The following TMEM132D variants were observed in gnomAD, a reference collection of about 807,000 sequenced individuals.
The protein encoded by TMEM132D is transmembrane protein 132D, also known as mature OL transmembrane protein.
A neutral mutation model predicts 62.3 loss-of-function variants in TMEM132D; 21 were observed. The observed-to-expected ratio is 0.34, with a 90% CI of 0.24 to 0.49. TMEM132D has a LOEUF of 0.49. Among genes scored for constraint, TMEM132D ranks in the 20% least tolerant of loss-of-function variants. The pLI is 0.99. For synonymous variants in TMEM132D, 621 were observed against 575.6 expected (o/e 1.08, Z -1.13); for missense variants, 1,346 against 1,402.8 (o/e 0.96, Z 0.65).
chr12:129,713,544 C>G (rs546150915), intron 1 of TMEM132D, among the ~76,000 whole-genome samples: 2 of 152,240 alleles, frequency 1.3e-5, no homozygotes, highest in African/African-American at 4.8e-5. Context: ...ACACAGCAGA[C>G]AATCTGATGA....
At chr12:129,137,693 C>T (rs10847780) in intron 5 of TMEM132D, among the ~76,000 whole-genome samples, 40,206 of 151,968 alleles carry the variant, frequency 0.26, 5,401 homozygotes, top group Middle Eastern at 0.35. Flanking sequence ...CCCCTTCCTG[C>T]TTCATTCTTC....
intron 5 of TMEM132D, among the ~76,000 whole-genome samples, chr12:129,182,354 A>C (rs557355814): frequency 1.3e-5 from 2 of 152,216 alleles, no homozygotes; most frequent in African/African-American, 4.8e-5. Context: ...ACAAAGCAAG[A>C]CTCCATCTCA....
chr12:129,212,571 C>G (rs1008334031), intron 4 of TMEM132D: 9 of 152,180 alleles, frequency 5.9e-5, no homozygotes, highest in African/African-American at 2.2e-4. Context: ...CCCAGAAAAC[C>G]CTTGAAAGCT....
chr12:129,737,392 C>T (rs1297996087), intron 1 of TMEM132D, among the ~76,000 whole-genome samples: 5 of 152,160 alleles, frequency 3.3e-5, no homozygotes, highest in Non-Finnish European at 7.3e-5. Flanking sequence ...TTGACAAGAT[C>T]GAACACTTGA....
chr12:129,673,964 C>T (rs994044471), intron 2 of TMEM132D, among the ~76,000 whole-genome samples: 6 of 152,124 alleles, frequency 3.9e-5, no homozygotes, highest in East Asian at 3.9e-4. Flanking sequence ...GGCACGAGTA[C>T]GGTCACCCTG....
At chr12:129,310,782 T>C (rs944720001) in intron 4 of TMEM132D, among the ~76,000 whole-genome samples, 2 of 152,144 alleles carry the variant, frequency 1.3e-5, no homozygotes, top group Non-Finnish European at 2.9e-5. Flanking sequence ...GGACCCCAAT[T>C]TAATGAGCAC....
intron 4 of TMEM132D, among the ~76,000 whole-genome samples, chr12:129,317,873 G>A (rs2135640861): frequency 6.6e-6 from 1 of 152,154 alleles, no homozygotes; most frequent in African/African-American, 2.4e-5. Context: ...GTTGGGTTGG[G>A]TTAATTCAAA....
chr12:129,760,780 T>C (rs1324395590), intron 1 of TMEM132D, among the ~76,000 whole-genome samples: 1 of 151,990 alleles, frequency 6.6e-6, no homozygotes, highest in Non-Finnish European at 1.5e-5. Context: ...CCTGCATGCA[T>C]TAGGAATTTG....
At chr12:129,887,889 T>A (rs1874794922) in intron 1 of TMEM132D, among the ~76,000 whole-genome samples, 1 of 152,200 alleles carries the variant, frequency 6.6e-6, no homozygotes, top group Admixed American at 6.5e-5. Context: ...CAAAAACTCC[T>A]TATTGGAATC....
intron 3 of TMEM132D, among the ~76,000 whole-genome samples, chr12:129,387,580 A>G (rs1871146916): frequency 6.6e-6 from 1 of 152,102 alleles, no homozygotes; most frequent in South Asian, 2.1e-4. Context: ...TAACACTAAT[A>G]CTAACATCCA....
At position 129,545,353 on chromosome 12, in the gene TMEM132D, A is replaced by G. The variant is rs147377958; in HGVS notation, c.969-14148T>C. Among the ~76,000 whole-genome samples the G allele has an allele frequency of 3.0e-3, 457 of 152,358 alleles. 4 individuals are homozygous for G. Among genetic ancestry groups the G allele is most frequent in the South Asian group, 5.8e-3 (28 of 4,826 alleles). On this transcript the variant is annotated intron_variant, in intron 2 of 8. Transcript: ENST00000422113. The stretch of plus-strand genomic sequence containing the variant: ...TACAGGAGACATCCAGTTCTCTGCT[A>G]GCCCACTTTTTAAATGTTTTAATCA...
chr12:129,555,586 G>T (rs1419369966), intron 2 of TMEM132D, among the ~76,000 whole-genome samples: 3 of 152,176 alleles, frequency 2.0e-5, no homozygotes, highest in Non-Finnish European at 2.9e-5. Context: ...AACTTATTTT[G>T]CAGATCATAT....
intron 3 of TMEM132D, among the ~76,000 whole-genome samples, chr12:129,460,980 G>A (rs953881206): frequency 6.6e-6 from 1 of 152,180 alleles, no homozygotes; most frequent in Non-Finnish European, 1.5e-5. Flanking sequence ...GGATTATGTG[G>A]GTTATGCTGA....
chr12:129,599,205 T>C (rs1421821703), intron 2 of TMEM132D, among the ~76,000 whole-genome samples: 1 of 152,228 alleles, frequency 6.6e-6, no homozygotes, highest in African/African-American at 2.4e-5. Context: ...GCACCACCTT[T>C]GGAATTCCCA....
At chr12:129,717,890 G>A (rs113105361) in intron 1 of TMEM132D, among the ~76,000 whole-genome samples, 2 of 152,170 alleles carry the variant, frequency 1.3e-5, no homozygotes, top group Non-Finnish European at 2.9e-5. Context: ...GCTCGTGCTG[G>A]TGGAGCTGAA....
intron 3 of TMEM132D, among the ~76,000 whole-genome samples, chr12:129,402,479 T>C (rs1871652473): frequency 6.6e-6 from 1 of 152,204 alleles, no homozygotes; most frequent in Admixed American, 6.5e-5. Context: ...CACGGGTCTG[T>C]GAGACTTACT....
At chr12:129,498,795 G>T (rs1875040749) in intron 3 of TMEM132D, among the ~76,000 whole-genome samples, 1 of 152,118 alleles carries the variant, frequency 6.6e-6, no homozygotes, top group African/African-American at 2.4e-5. Flanking sequence ...AGTTGTTTAA[G>T]AAGTCTAACA....
chr12:129,622,766 C>T (rs1352229602), intron 2 of TMEM132D, among the ~76,000 whole-genome samples: 1 of 152,174 alleles, frequency 6.6e-6, no homozygotes, highest in African/African-American at 2.4e-5. Context: ...CCCTTCCCAC[C>T]AGCCACAGGA....
At chr12:129,625,543 A>G (rs999095286) in intron 2 of TMEM132D, among the ~76,000 whole-genome samples, 3 of 152,212 alleles carry the variant, frequency 2.0e-5, no homozygotes, top group East Asian at 1.9e-4. Flanking sequence ...GGTCTCCCCA[A>G]TACGAGACAC....
Sources: gnomAD v4.1 joint callset for allele counts (sites outside exome capture counted in the v4.1 genomes callset) on GRCh38, gnomAD v4.1.1 for gene constraint, MANE v1.5 for transcripts, NCBI Gene and HGNC (gene_info 2026-07-23, HGNC 2026-07-21) for gene names.